GRM7: variants seen among roughly 807,000 people sequenced by gnomAD.
The protein encoded by GRM7 is glutamate metabotropic receptor 7.
A neutral mutation model predicts 84.5 loss-of-function variants in GRM7; 35 were observed. The observed-to-expected ratio is 0.41, with a 90% CI of 0.32 to 0.55. The LOEUF (loss-of-function observed/expected upper bound fraction) is 0.55. GRM7 is among the 20% of genes least tolerant of loss of function. The probability of loss-of-function intolerance (pLI) is 0.19; values close to 1 mark genes in which losing one functional copy is unlikely to be tolerated. For missense variants in GRM7, 1,003 were observed against 1,194.6 expected, an observed-to-expected ratio of 0.84 and a Z score of 2.36; for synonymous variants, 487 against 455.1, an observed-to-expected ratio of 1.07 and a Z score of -0.89.
intron 7 of GRM7, among the ~76,000 whole-genome samples, chr3:7,525,926 A>G (rs1700788414): frequency 6.6e-6 from 1 of 152,120 alleles, no homozygotes; most frequent in Admixed American, 6.6e-5. Context: ...CATGGCATAT[A>G]TGTTACGTAC....
At chr3:7,400,932 T>C (rs1412657220) in intron 4 of GRM7, among the ~76,000 whole-genome samples, 9 of 152,164 alleles carry the variant, frequency 5.9e-5, no homozygotes, top group Admixed American at 5.2e-4. Context: ...TGAAATAATA[T>C]ATCATTCTTA....
intron 4 of GRM7, among the ~76,000 whole-genome samples, chr3:7,377,991 A>G (rs1296772808): frequency 6.6e-6 from 1 of 152,148 alleles, no homozygotes; most frequent in Non-Finnish European, 1.5e-5. Flanking sequence ...CCCAGAATGT[A>G]GTCACCAACA....
intron 4 of GRM7, among the ~76,000 whole-genome samples, chr3:7,375,783 A>C (rs995579634): frequency 2.6e-5 from 4 of 152,174 alleles, no homozygotes. Context: ...TCACTCAAGC[A>C]AAATAACCTC....
intron 1 of GRM7, among the ~76,000 whole-genome samples, chr3:7,001,363 A>C (rs557972978): frequency 1.3e-5 from 2 of 152,296 alleles, no homozygotes; most frequent in East Asian, 3.9e-4. Flanking sequence ...AACTAAAAAA[A>C]AATTAAAAAT....
intron 5 of GRM7, chr3:7,451,641 C>G (rs972527927): frequency 2.0e-5 from 3 of 152,034 alleles, no homozygotes; most frequent in African/African-American, 7.2e-5. Flanking sequence ...TGTAAATGAC[C>G]TTTGGAAGGT....
In GRM7 at chr3:7,696,544, A is replaced by G. The variant is rs1036049073; in HGVS notation, c.2698+16249A>G. ...CTTAGTAACAGAAAAGCCAAATTAA[A>G]TATTCAAGGATATGAACAGAGGCTT... On this transcript the variant is annotated intron_variant, in intron 9 of 9. Coordinates refer to ENST00000357716, the MANE Select transcript of GRM7 (RefSeq NM_000844.4). Among the ~76,000 whole-genome samples the G allele has an allele frequency of 2.6e-5, 4 of 152,206 alleles. No homozygotes were observed. The East Asian group carries it at 7.7e-4, about 29-fold the overall frequency.
At chr3:7,581,894 T>A (rs968437887) in intron 8 of GRM7, among the ~76,000 whole-genome samples, 8 of 151,990 alleles carry the variant, frequency 5.3e-5, no homozygotes, top group African/African-American at 1.9e-4. Flanking sequence ...CCCATGAAGT[T>A]TGTTTTTGCT....
chr3:7,094,356 C>T (rs1289194474), intron 1 of GRM7, among the ~76,000 whole-genome samples: 1 of 152,064 alleles, frequency 6.6e-6, no homozygotes, highest in Non-Finnish European at 1.5e-5. Context: ...CAGATTATGG[C>T]ACAATATCAT....
intron 8 of GRM7, among the ~76,000 whole-genome samples, chr3:7,673,937 G>A (rs985245676): frequency 6.6e-6 from 1 of 152,154 alleles, no homozygotes; most frequent in African/African-American, 2.4e-5. Flanking sequence ...AGCACACACT[G>A]ACCTCTCCTA....
chr3:6,983,824 T>C (rs1281967574), intron 1 of GRM7, among the ~76,000 whole-genome samples: 1 of 152,028 alleles, frequency 6.6e-6, no homozygotes, highest in Non-Finnish European at 1.5e-5. Flanking sequence ...GTTTTCAGTG[T>C]TCTGAGTGCC....
intron 7 of GRM7, among the ~76,000 whole-genome samples, chr3:7,533,735 A>T (rs1323575788): frequency 6.6e-6 from 1 of 152,222 alleles, no homozygotes; most frequent in Non-Finnish European, 1.5e-5. Context: ...AGACTCAATG[A>T]AGTGAAAATG....
chr3:7,085,878 A>G (rs1024883959), intron 1 of GRM7, among the ~76,000 whole-genome samples: 3 of 152,196 alleles, frequency 2.0e-5, no homozygotes, highest in Non-Finnish European at 4.4e-5. Context: ...AGAAATGTCA[A>G]CATATTTTAA....
chr3:7,376,585 A>T (rs181648900), intron 4 of GRM7, among the ~76,000 whole-genome samples: 10 of 152,320 alleles, frequency 6.6e-5, no homozygotes, highest in Admixed American at 1.3e-4. Context: ...GAATTTTGCA[A>T]TGTGCAGCTC....
chr3:7,285,278 A>G (rs1699390211), intron 2 of GRM7, among the ~76,000 whole-genome samples: 1 of 152,158 alleles, frequency 6.6e-6, no homozygotes. Flanking sequence ...TAGAATTATT[A>G]TTATATGATT....
At chr3:7,377,917 C>T (rs1694423166) in intron 4 of GRM7, among the ~76,000 whole-genome samples, 2 of 152,162 alleles carry the variant, frequency 1.3e-5, no homozygotes, top group African/African-American at 4.8e-5. Context: ...CCTGATCTTT[C>T]CATGTATCTG....
chr3:6,881,222 A>T (rs1695496064), intron 1 of GRM7, among the ~76,000 whole-genome samples: 2 of 152,080 alleles, frequency 1.3e-5, no homozygotes, highest in African/African-American at 4.8e-5. Context: ...GGTTTGCTGC[A>T]CTATCAACCC....
chr3:7,403,897 G>A (rs920980266), intron 4 of GRM7, among the ~76,000 whole-genome samples: 1 of 151,606 alleles, frequency 6.6e-6, no homozygotes, highest in South Asian at 2.1e-4. Flanking sequence ...CATGTTTCTG[G>A]TACTCCTTGG....
At chr3:7,244,837 A>C (rs1237199815) in intron 2 of GRM7, among the ~76,000 whole-genome samples, 1 of 152,122 alleles carries the variant, frequency 6.6e-6, no homozygotes, top group East Asian at 1.9e-4. Context: ...CAGTCTATAG[A>C]AGCAAACCAA....
In GRM7 at chr3:6,861,130, G is replaced by A. The variant is rs1415623604; in HGVS notation, c.-259G>A. On this transcript the variant is annotated 5_prime_UTR_variant, in exon 1 of 10. Transcript: ENST00000357716. This position sits in a 1 kb window ranked among gnomAD's most constrained non-coding sequence, Gnocchi z 6.4. Reference sequence around the variant, plus strand: ...CCCTCTCCCCAGTGCTGGGCTGTTGGAGAGAGCGAGCAGCAAGCCGGTGAG... The same window carrying A: ...CCCTCTCCCCAGTGCTGGGCTGTTGAAGAGAGCGAGCAGCAAGCCGGTGAG... 7.3e-6 allele frequency: 3 copies of A among 408,884 alleles called. No individual in the cohort carries two copies. Among genetic ancestry groups the A allele is most frequent in the Non-Finnish European group, 1.3e-5 (3 of 233,340 alleles). 25.3% of individuals were successfully genotyped at this position (408,884 alleles called of 1,614,324 possible).
Sources: allele counts gnomAD v4.1 joint callset (sites outside exome capture counted in the v4.1 genomes callset), GRCh38; gene constraint gnomAD v4.1.1; non-coding constraint Gnocchi (gnomAD v3.1); transcripts MANE v1.5; gene names NCBI Gene and HGNC (gene_info 2026-07-23, HGNC 2026-07-21).